Variants in RIMS2 observed in about 807,000 individuals in gnomAD.
RIMS2 encodes the protein regulating synaptic membrane exocytosis 2.
RIMS2 carries 59 observed loss-of-function variants against 174.4 expected under a neutral mutation model. The observed-to-expected ratio is 0.34, with a 90% CI of 0.27 to 0.42. RIMS2 has a LOEUF of 0.42. Ranked by LOEUF, RIMS2 falls within the 10% of genes least tolerant of loss-of-function variation. RIMS2 has a pLI of 1.00. For synonymous variants in RIMS2, 606 were observed against 572.5 expected (o/e 1.06, Z -0.84); for missense variants, 1,620 against 1,666.3 (o/e 0.97, Z 0.48).
chr8:103,845,131 C>T (rs1253867207), intron 3 of RIMS2, among the ~76,000 whole-genome samples: 6 of 152,046 alleles, frequency 3.9e-5, no homozygotes, highest in Admixed American at 1.3e-4. Context: ...GTTAAACCTA[C>T]AATCACTTTA....
intron 1 of RIMS2, among the ~76,000 whole-genome samples, chr8:103,611,943 T>C (rs946012720): frequency 1.3e-5 from 2 of 151,692 alleles, no homozygotes; most frequent in African/African-American, 2.4e-5. Context: ...TTTCTAGATC[T>C]TGTAGGCATA....
intron 1 of RIMS2, among the ~76,000 whole-genome samples, chr8:103,675,341 G>A (rs1360642742): frequency 6.6e-6 from 1 of 152,154 alleles, no homozygotes; most frequent in Non-Finnish European, 1.5e-5. Context: ...TACATATTAG[G>A]TGTAGAACTC....
Position 104,203,105 on chromosome 8 carries a change from G to A in RIMS2, c.3335-41811G>A, listed in dbSNP as rs146878195. Among the ~76,000 whole-genome samples the A allele has an allele frequency of 2.0e-3, 297 of 151,954 alleles. 1 individual carries two copies. Among genetic ancestry groups the A allele is most frequent in the Middle Eastern group, 0.01 (3 of 294 alleles). On this transcript the variant is annotated intron_variant, in intron 19 of 23. Coordinates refer to ENST00000504942, the Ensembl canonical transcript of RIMS2. ...AGATATTGTCATTCCTCCCAGCCCC[G>A]CAAATATAAAATGATTTATCAGGCC...
intron 8 of RIMS2, among the ~76,000 whole-genome samples, chr8:103,916,799 A>T (rs903490264): frequency 6.6e-6 from 1 of 152,120 alleles, no homozygotes; most frequent in South Asian, 2.1e-4. Context: ...ACACTTTAGA[A>T]GGTGGTTATA....
intron 17 of RIMS2, among the ~76,000 whole-genome samples, chr8:103,995,203 T>C (rs1238767188): frequency 6.6e-6 from 1 of 152,158 alleles, no homozygotes; most frequent in Non-Finnish European, 1.5e-5. Flanking sequence ...AGTATAATTT[T>C]GATTTTACTT....
At chr8:104,114,085 T>G (rs76087139) in intron 19 of RIMS2, among the ~76,000 whole-genome samples, 3,344 of 152,142 alleles carry the variant, frequency 0.022, 128 homozygotes, top group African/African-American at 0.076. Context: ...AATAAATTGT[T>G]CTGATATTAG....
At chr8:103,795,723 CTTG>C (rs1564669411) in intron 3 of RIMS2, among the ~76,000 whole-genome samples, 10 of 151,956 alleles carry the variant, frequency 6.6e-5, no homozygotes, top group African/African-American at 2.4e-5. Context: ...AGTTGCAGAG[CTTG>C]TTTAGTTGAC....
chr8:103,832,683 A>G (rs1387045448), intron 3 of RIMS2, among the ~76,000 whole-genome samples: 1 of 152,188 alleles, frequency 6.6e-6, no homozygotes, highest in Admixed American at 6.5e-5. Flanking sequence ...AATGGCTTCC[A>G]GCTCATACAT....
chr8:103,822,066 A>G (rs2098755237), intron 3 of RIMS2, among the ~76,000 whole-genome samples: 1 of 117,286 alleles, frequency 8.5e-6, no homozygotes. Context: ...GACATTAACA[A>G]TGATCTTTAA....
intron 19 of RIMS2, among the ~76,000 whole-genome samples, chr8:104,071,831 C>T (rs144851022): frequency 0.012 from 1,794 of 152,212 alleles, 23 homozygotes; most frequent in Non-Finnish European, 0.02. Flanking sequence ...GTAAAATTAT[C>T]CTTTAGATAA....
chr8:104,167,835 A>G (rs1335601073), intron 19 of RIMS2, among the ~76,000 whole-genome samples: 1 of 151,832 alleles, frequency 6.6e-6, no homozygotes, highest in Non-Finnish European at 1.5e-5. Context: ...TTGATCTTGC[A>G]TTGAGTTTTA....
At chr8:104,194,786 G>C (rs893939323) in intron 19 of RIMS2, among the ~76,000 whole-genome samples, 1 of 152,194 alleles carries the variant, frequency 6.6e-6, no homozygotes. Flanking sequence ...ACTGGGAATT[G>C]TTCCCTGAAA....
At chr8:103,596,765 C>A (rs1360292831) in intron 1 of RIMS2, among the ~76,000 whole-genome samples, 5 of 150,176 alleles carry the variant, frequency 3.3e-5, no homozygotes, top group African/African-American at 1.2e-4. Flanking sequence ...AGTACTGATT[C>A]TTGTAAAAAT....
At chr8:104,149,180 G>T (rs1011528889) in intron 19 of RIMS2, among the ~76,000 whole-genome samples, 3 of 152,104 alleles carry the variant, frequency 2.0e-5, no homozygotes, top group African/African-American at 7.2e-5. Context: ...TTTTCTTTAG[G>T]TTCCTCAAGT....
chr8:104,135,468 T>A (rs1225440061), intron 19 of RIMS2, among the ~76,000 whole-genome samples: 1 of 151,784 alleles, frequency 6.6e-6, no homozygotes, highest in Non-Finnish European at 1.5e-5. Context: ...TAGTCAGGTG[T>A]GGTGGTGCAT....
intron 1 of RIMS2, among the ~76,000 whole-genome samples, chr8:103,570,630 G>A (rs142042630): frequency 3.1e-4 from 47 of 152,162 alleles, no homozygotes; most frequent in African/African-American, 1.0e-3. Context: ...CATAGTCCCC[G>A]GTTGTTAGCA....
intron 19 of RIMS2, among the ~76,000 whole-genome samples, chr8:104,221,915 A>C (rs1330850806): frequency 6.6e-6 from 1 of 151,734 alleles, no homozygotes; most frequent in African/African-American, 2.4e-5. Flanking sequence ...ACTCCTTCCC[A>C]CTCACTCCAA....
At chr8:104,181,757 T>A (rs570639622) in intron 19 of RIMS2, among the ~76,000 whole-genome samples, 1 of 151,814 alleles carries the variant, frequency 6.6e-6, no homozygotes, top group East Asian at 1.9e-4. Context: ...ATTGAAAAAA[T>A]TTGATTTTTA....
exon 24 of RIMS2, chr8:104,251,857 T>TAAAAA: frequency 1.3e-5 from 9 of 673,372 alleles, no homozygotes; most frequent in East Asian, 3.6e-5. Context: ...CAACCAGCGT[T>TAAAAA]ACAAAAAAAA....
Sources: gnomAD v4.1 joint callset for allele counts (sites outside exome capture counted in the v4.1 genomes callset) on GRCh38, gnomAD v4.1.1 for gene constraint, MANE v1.5 for transcripts, NCBI Gene and HGNC (gene_info 2026-07-23, HGNC 2026-07-21) for gene names.